Variants in CHST9 observed in about 807,000 individuals in gnomAD.
CHST9 encodes the protein GalNAc-4-sulfotransferase 2.
A neutral mutation model predicts 44.4 loss-of-function variants in CHST9; 41 were observed. The observed-to-expected ratio is 0.92, with a 90% CI of 0.72 to 1.20. The LOEUF is 1.20. CHST9 is among the 50% of genes most tolerant of loss of function. CHST9 has a pLI of 0.00. For missense variants in CHST9, 504 were observed against 516.5 expected, an observed-to-expected ratio of 0.98 and a Z score of 0.23; for synonymous variants, 171 against 178.4, an observed-to-expected ratio of 0.96 and a Z score of 0.33.
intron 3 of CHST9, among the ~76,000 whole-genome samples, chr18:27,037,416 A>G (rs1412393311): frequency 6.6e-6 from 1 of 152,196 alleles, no homozygotes; most frequent in Non-Finnish European, 1.5e-5. Flanking sequence ...ATGCCTGGGC[A>G]TGGTGGCTCA....
In CHST9 at chr18:27,158,077, G is replaced by C. The variant is rs569811282; in HGVS notation, c.-96-15172C>G. Among the ~76,000 whole-genome samples the C allele has an allele frequency of 9.2e-5, 14 of 152,166 alleles. No homozygotes were observed. In the South Asian group the frequency reaches 2.7e-3, roughly 29 times the overall value. Reference sequence around the variant, plus strand: ...GATAAGGGAAGGGAGAATTTTACAAGAGAGACATCACAAAGTTTTTTTGTT... The same window carrying C: ...GATAAGGGAAGGGAGAATTTTACAACAGAGACATCACAAAGTTTTTTTGTT... On this transcript the variant is annotated intron_variant, in intron 1 of 5. Transcript: ENST00000618847.
At chr18:27,091,236 G>A (rs1254223422) in intron 2 of CHST9, among the ~76,000 whole-genome samples, 1 of 152,020 alleles carries the variant, frequency 6.6e-6, no homozygotes, top group Admixed American at 6.6e-5. Flanking sequence ...TCATGATTTG[G>A]CTCTCTGTTT....
At chr18:27,175,848 C>T (rs2058864199) in intron 1 of CHST9, among the ~76,000 whole-genome samples, 1 of 151,932 alleles carries the variant, frequency 6.6e-6, no homozygotes, top group Non-Finnish European at 1.5e-5. Flanking sequence ...AATAATTATA[C>T]AAATAAATGT....
intron 2 of CHST9, among the ~76,000 whole-genome samples, chr18:27,053,250 A>AAGAAGAAGG (rs2057602001): frequency 2.3e-5 from 2 of 87,224 alleles, no homozygotes; most frequent in Non-Finnish European, 2.5e-5. Context: ...GAAGAAGAAG[A>AAGAAGAAGG]AGAAGAAGAA....
At chr18:27,083,242 A>G (rs926266555) in intron 2 of CHST9, among the ~76,000 whole-genome samples, 2 of 152,152 alleles carry the variant, frequency 1.3e-5, no homozygotes, top group African/African-American at 4.8e-5. Flanking sequence ...CTTTCTAATT[A>G]CCACTTATTC....
intron 2 of CHST9, among the ~76,000 whole-genome samples, chr18:27,102,609 G>A (rs762953085): frequency 5.3e-5 from 8 of 152,130 alleles, no homozygotes; most frequent in Non-Finnish European, 8.8e-5. Flanking sequence ...CTTAGATAAC[G>A]ATATTATCAC....
At chr18:27,131,920 T>C (rs2058475164) in intron 2 of CHST9, among the ~76,000 whole-genome samples, 1 of 152,216 alleles carries the variant, frequency 6.6e-6, no homozygotes, top group South Asian at 2.1e-4. Context: ...TTTTAACCTA[T>C]AAGCCCTCAC....
At chr18:27,052,807 C>A (rs577857740) in intron 2 of CHST9, among the ~76,000 whole-genome samples, 1 of 151,952 alleles carries the variant, frequency 6.6e-6, no homozygotes, top group Non-Finnish European at 1.5e-5. Context: ...TCGTCCTCAG[C>A]GAACTAACAC....
At chr18:26,936,945 A>G (rs2056003776) in intron 5 of CHST9, among the ~76,000 whole-genome samples, 1 of 152,192 alleles carries the variant, frequency 6.6e-6, no homozygotes, top group South Asian at 2.1e-4. Context: ...ATTTTCTCAC[A>G]TGGGTACATA....
intron 4 of CHST9, among the ~76,000 whole-genome samples, chr18:27,018,164 TA>T (rs2057177326): frequency 6.6e-6 from 1 of 152,196 alleles, no homozygotes; most frequent in Non-Finnish European, 1.5e-5. Context: ...TGGGGCACTT[TA>T]ACAAGGCCCC....
intron 2 of CHST9, among the ~76,000 whole-genome samples, chr18:27,137,892 A>G (rs1306458928): frequency 6.6e-6 from 1 of 152,174 alleles, no homozygotes; most frequent in Non-Finnish European, 1.5e-5. Flanking sequence ...GGGAAAAAAT[A>G]AACAACAAGC....
At position 27,080,660 on chromosome 18, in the gene CHST9, T is replaced by G. The variant is rs1026713998; in HGVS notation, c.122-32157A>C. On this transcript the variant is annotated intron_variant, in intron 2 of 5. Coordinates refer to ENST00000618847, the MANE Select transcript of CHST9 (RefSeq NM_031422.6). ...TGTGTAATTTGGTGTGTTGAGGATGTCCTGCAGAGTGGAAAAGTGAGCCAC... is the reference window on the plus strand; with the variant it reads ...TGTGTAATTTGGTGTGTTGAGGATGGCCTGCAGAGTGGAAAAGTGAGCCAC... Among the ~76,000 whole-genome samples the G allele has an allele frequency of 3.9e-5, 6 of 152,284 alleles. No individual in the cohort carries two copies. In the East Asian group the frequency reaches 1.2e-3, roughly 29 times the overall value.
intron 1 of CHST9, among the ~76,000 whole-genome samples, chr18:27,144,156 C>T (rs1196041497): frequency 6.6e-6 from 1 of 152,114 alleles, no homozygotes; most frequent in East Asian, 1.9e-4. Context: ...AACACAACCC[C>T]TCTGGGTGAG....
intron 1 of CHST9, among the ~76,000 whole-genome samples, chr18:27,171,975 A>C (rs1300362626): frequency 6.6e-6 from 1 of 152,154 alleles, no homozygotes; most frequent in African/African-American, 2.4e-5. Context: ...ATGAATGAAA[A>C]ATGGTTATGT....
chr18:26,987,297 C>T (rs901015790), intron 4 of CHST9, among the ~76,000 whole-genome samples: 14 of 152,160 alleles, frequency 9.2e-5, no homozygotes, highest in African/African-American at 3.4e-4. Flanking sequence ...TCTTTGACCT[C>T]TCTGCCATGC....
At chr18:26,969,370 C>CTGTG (rs577001525) in intron 4 of CHST9, among the ~76,000 whole-genome samples, 12,229 of 121,530 alleles carry the variant, frequency 0.1, 609 homozygotes, top group East Asian at 0.26. Flanking sequence ...TTCTCTCTCT[C>CTGTG]TCTCTCTGTG....
chr18:27,041,555 T>C (rs955847731), intron 3 of CHST9, among the ~76,000 whole-genome samples: 1 of 152,110 alleles, frequency 6.6e-6, no homozygotes, highest in African/African-American at 2.4e-5. Context: ...TTTGGTGTAG[T>C]ATAATAGCAA....
intron 2 of CHST9, among the ~76,000 whole-genome samples, chr18:27,126,766 G>A (rs2058427483): frequency 1.3e-5 from 2 of 152,076 alleles, no homozygotes; most frequent in Admixed American, 1.3e-4. Flanking sequence ...GGACAATGAG[G>A]CTCAGTGAGG....
Position 27,091,812 on chromosome 18 carries a change from G to C in CHST9, c.122-43309C>G, listed in dbSNP as rs550832725. 5.3e-5 allele frequency among the ~76,000 whole-genome samples: 8 copies of C among 152,290 alleles called. No individual in the cohort carries two copies. In the East Asian group the frequency reaches 1.3e-3, roughly 26 times the overall value. On this transcript the variant is annotated intron_variant, in intron 2 of 5. Coordinates refer to ENST00000618847, the MANE Select transcript of CHST9 (RefSeq NM_031422.6). ...GGATGAAGCCAACTTGATCATAGTGGATAAGCTTTTTGATGTGCTGCTGGA... is the reference window on the plus strand; with the variant it reads ...GGATGAAGCCAACTTGATCATAGTGCATAAGCTTTTTGATGTGCTGCTGGA...
Sources: gnomAD v4.1 joint callset for allele counts (sites outside exome capture counted in the v4.1 genomes callset) on GRCh38, gnomAD v4.1.1 for gene constraint, MANE v1.5 for transcripts, NCBI Gene and HGNC (gene_info 2026-07-23, HGNC 2026-07-21) for gene names.